The following BRK1 variants were observed in gnomAD, a reference collection of about 807,000 sequenced individuals.
BRK1 encodes BRICK1 subunit of SCAR/WAVE actin nucleating complex, also known as protein BRICK1.
Under a neutral mutation model 9.9 loss-of-function variants are expected in BRK1, and 6 were observed. The ratio of observed to expected loss-of-function variants is 0.60; its 90% CI spans 0.33 to 1.19. The LOEUF (loss-of-function observed/expected upper bound fraction) is 1.19, where lower values mean the gene tolerates loss of function less well. BRK1 is among the 50% of genes most tolerant of loss of function. The pLI, the probability that BRK1 is intolerant of heterozygous loss-of-function variation, is 0.04. For synonymous variants in BRK1, 44 were observed against 31.9 expected, an observed-to-expected ratio of 1.38 and a Z score of -1.28; for missense variants, 62 against 97.5, an observed-to-expected ratio of 0.64 and a Z score of 1.53.
intron 1 of BRK1, among the ~76,000 whole-genome samples, chr3:10,121,444 A>C (rs1012355025): frequency 6.6e-6 from 1 of 152,128 alleles, no homozygotes; most frequent in Non-Finnish European, 1.5e-5. Flanking sequence ...CAGTGACCCA[A>C]CATGGGCCCT....
chr3:10,115,904 A>T (rs1695678375), intron 1 of BRK1, 85 bp downstream of exon 1: 6 of 1,053,040 alleles, frequency 5.7e-6, no homozygotes, highest in East Asian at 2.4e-5. Context: ...CTTTGAGAGG[A>T]CTCCCGCAGC....
At chr3:10,126,206 T>C in intron 2 of BRK1, 63 bp from the exon 3 acceptor site, 1 of 1,234,252 alleles carries the variant, frequency 8.1e-7, no homozygotes, top group East Asian at 2.7e-5. Context: ...CTAAAGATTT[T>C]TTTTTAGACC....
intron 1 of BRK1, among the ~76,000 whole-genome samples, chr3:10,120,791 G>A (rs1282924257): frequency 6.6e-6 from 1 of 152,130 alleles, no homozygotes; most frequent in Non-Finnish European, 1.5e-5. Context: ...GCATAGTATT[G>A]TTCTTGAATT....
chr3:10,125,795 G>T, intron 2 of BRK1, 87 bp downstream of exon 2: 1 of 1,029,538 alleles, frequency 9.7e-7, no homozygotes, highest in Non-Finnish European at 1.5e-6. Flanking sequence ...ACAGTCTTAG[G>T]AAACTTAAGC....
chr3:10,120,616 G>A (rs1695743468), intron 1 of BRK1, among the ~76,000 whole-genome samples: 1 of 152,190 alleles, frequency 6.6e-6, no homozygotes, highest in Admixed American at 6.6e-5. Flanking sequence ...TGGTGATAAT[G>A]TACACATACT....
At chr3:10,124,286 C>A (rs966354669) in intron 1 of BRK1, among the ~76,000 whole-genome samples, 46 of 149,960 alleles carry the variant, frequency 3.1e-4, no homozygotes, top group African/African-American at 1.1e-3. Context: ...AACCCCGTCT[C>A]TACTAAAAAT....
intron 1 of BRK1, among the ~76,000 whole-genome samples, chr3:10,124,460 A>T (rs1343522628): frequency 6.7e-6 from 1 of 149,716 alleles, no homozygotes; most frequent in Non-Finnish European, 1.5e-5. Context: ...CTCCATCTCA[A>T]AAAAAAAAAC....
chr3:10,120,392 G>A (rs541982481), intron 1 of BRK1, among the ~76,000 whole-genome samples: 1 of 152,088 alleles, frequency 6.6e-6, no homozygotes, highest in African/African-American at 2.4e-5. Context: ...ATGGGGTTTT[G>A]CCATGTTAGC....
chr3:10,125,260 T>C (rs1223017979), intron 1 of BRK1, among the ~76,000 whole-genome samples: 1 of 152,126 alleles, frequency 6.6e-6, no homozygotes, highest in African/African-American at 2.4e-5. Flanking sequence ...TGTGCCATCA[T>C]GCCTGGCTAA....
At chr3:10,125,029 G>T (rs571240527) in intron 1 of BRK1, among the ~76,000 whole-genome samples, 34 of 152,186 alleles carry the variant, frequency 2.2e-4, no homozygotes, top group African/African-American at 5.1e-4. Flanking sequence ...GGATCTCAAG[G>T]TTCTTAACCT....
chr3:10,115,678 G>A lies in BRK1; in HGVS notation c.-24G>A, dbSNP rs765228988. On this transcript the variant is annotated 5_prime_UTR_variant, in exon 1 of 3. Transcript: ENST00000530758. ...CCTGTAGGGTCGGGGCGCCTGCGCA[G>A]TCGCTCTTCCTCAGGCGGCGGCCAT... is the stretch of plus-strand genomic sequence containing the variant. The A allele has an allele frequency of 6.3e-7, 1 of 1,596,290 alleles. No homozygotes were observed. Among genetic ancestry groups the A allele is most frequent in the Non-Finnish European group, 8.6e-7 (1 of 1,164,060 alleles).
intron 1 of BRK1, among the ~76,000 whole-genome samples, chr3:10,123,732 CTTTTTTTTTTT>C (rs71626962): frequency 2.1e-5 from 1 of 48,672 alleles, no homozygotes; most frequent in Non-Finnish European, 3.1e-5. Context: ...CGTGCCTGGC[CTTTTTTTTTTT>C]TTTTTTTTTT....
rs538546426 is a variant in BRK1 at position 10,117,644 on chromosome 3, G to A, written c.118+1825G>A. On this transcript the variant is annotated intron_variant, in intron 1 of 2. Transcript: ENST00000530758. ...ACTCCTGAGCTCAAGTGATCCACCC[G>A]CTTCGGCCTCCCAAAGTGCTGGGAT... 8.6e-5 allele frequency among the ~76,000 whole-genome samples: 13 copies of A among 151,986 alleles called. 1 individual carries two copies. In the South Asian group the frequency reaches 1.0e-3, roughly 12 times the overall value.
intron 1 of BRK1, among the ~76,000 whole-genome samples, chr3:10,123,414 C>T (rs1221406543): frequency 1.3e-5 from 2 of 150,332 alleles, no homozygotes; most frequent in East Asian, 1.9e-4. Context: ...ATTTCTGCTG[C>T]TTTCTTGGCC....
intron 1 of BRK1, among the ~76,000 whole-genome samples, chr3:10,122,754 G>C (rs1047922264): frequency 2.0e-5 from 3 of 152,102 alleles, no homozygotes; most frequent in Non-Finnish European, 4.4e-5. Flanking sequence ...TAAATGTTTA[G>C]ATAAATACAG....
intron 1 of BRK1, among the ~76,000 whole-genome samples, chr3:10,117,145 G>C (rs1695696282): frequency 6.6e-6 from 1 of 152,166 alleles, no homozygotes; most frequent in Admixed American, 6.5e-5. Flanking sequence ...AGCTACTCGG[G>C]AGGCTGAGAC....
At chr3:10,121,426 A>G (rs532566166) in intron 1 of BRK1, among the ~76,000 whole-genome samples, 28 of 152,282 alleles carry the variant, frequency 1.8e-4, no homozygotes, top group African/African-American at 6.7e-4. Flanking sequence ...CAGTATGGGA[A>G]AGAATACCAG....
At chr3:10,116,926 G>A (rs139337700) in intron 1 of BRK1, among the ~76,000 whole-genome samples, 1 of 152,302 alleles carries the variant, frequency 6.6e-6, no homozygotes, top group African/African-American at 2.4e-5. Flanking sequence ...TTGTATTAAA[G>A]TATTTTCATA....
chr3:10,126,125 G>T (rs752459958), intron 2 of BRK1, 144 bp from the exon 3 acceptor site: 11 of 588,296 alleles, frequency 1.9e-5, no homozygotes, highest in Non-Finnish European at 2.6e-5. Context: ...TAAGCATGTT[G>T]CCTGGATTTG....
Sources: gnomAD v4.1 joint callset for allele counts (sites outside exome capture counted in the v4.1 genomes callset) on GRCh38, gnomAD v4.1.1 for gene constraint, MANE v1.5 for transcripts, NCBI Gene and HGNC (gene_info 2026-07-23, HGNC 2026-07-21) for gene names.